Variants in UBASH3B observed in about 807,000 individuals in gnomAD.
The protein encoded by UBASH3B is ubiquitin associated and SH3 domain containing B.
UBASH3B carries 37 observed loss-of-function variants against 83.4 expected under a neutral mutation model. The ratio of observed to expected loss-of-function variants is 0.44; its 90% CI spans 0.34 to 0.58. The LOEUF (loss-of-function observed/expected upper bound fraction) is 0.58, where lower values mean the gene tolerates loss of function less well. UBASH3B is among the 20% of genes least tolerant of loss of function. The probability of loss-of-function intolerance (pLI) is 0.01; values close to 1 mark genes in which losing one functional copy is unlikely to be tolerated. For synonymous variants in UBASH3B, 304 were observed against 318.3 expected (o/e 0.96, Z 0.48); for missense variants, 657 against 827.2 (o/e 0.79, Z 2.52).
intron 1 of UBASH3B, chr11:122,774,407 C>T: frequency 1.4e-6 from 1 of 726,720 alleles, no homozygotes; most frequent in Non-Finnish European, 1.7e-6. Context: ...ACAACAGAGG[C>T]TGGCCTTTGC....
chr11:122,659,267 A>T (rs1488819143), intron 1 of UBASH3B, among the ~76,000 whole-genome samples: 1 of 152,174 alleles, frequency 6.6e-6, no homozygotes, highest in Admixed American at 6.5e-5. Flanking sequence ...GGGGATCATT[A>T]TTTAGCCTAT....
At chr11:122,721,129 C>T (rs1307753178) in intron 1 of UBASH3B, among the ~76,000 whole-genome samples, 1 of 151,662 alleles carries the variant, frequency 6.6e-6, no homozygotes, top group African/African-American at 2.4e-5. Context: ...CCTGTAGTCC[C>T]AGCTACTCTG....
chr11:122,683,778 A>C (rs4936717), intron 1 of UBASH3B, among the ~76,000 whole-genome samples: 9 of 21,822 alleles, frequency 4.1e-4, no homozygotes, highest in East Asian at 3.1e-3. Flanking sequence ...TGTGTGTGTG[A>C]GCCAGGTTTC....
intron 1 of UBASH3B, among the ~76,000 whole-genome samples, chr11:122,723,089 C>T (rs1860669680): frequency 6.6e-6 from 1 of 152,134 alleles, no homozygotes; most frequent in Non-Finnish European, 1.5e-5. Flanking sequence ...GCTTCAGAAG[C>T]TCCCAGAAAG....
intron 11 of UBASH3B, 52 bp downstream of exon 11, chr11:122,801,384 C>A: frequency 6.3e-7 from 1 of 1,597,120 alleles, no homozygotes. Flanking sequence ...GTGCTTTCTG[C>A]ACTAGCACTA....
chr11:122,802,408 G>A (rs1446448005), intron 11 of UBASH3B, among the ~76,000 whole-genome samples: 1 of 151,262 alleles, frequency 6.6e-6, no homozygotes, highest in Non-Finnish European at 1.5e-5. Flanking sequence ...TCTTTGAGAA[G>A]GAACAGATAG....
intron 5 of UBASH3B, 122 bp from the exon 6 acceptor site, chr11:122,788,978 G>A: frequency 3.5e-6 from 3 of 859,680 alleles, no homozygotes; most frequent in South Asian, 3.2e-5. Context: ...GACCCCAAGG[G>A]CTCCTGGGCA....
In UBASH3B at chr11:122,712,432, G is replaced by A. The variant is rs965363732; in HGVS notation, c.161+56222G>A. 3.3e-5 allele frequency among the ~76,000 whole-genome samples: 5 copies of A among 152,026 alleles called. No homozygotes were observed. In the South Asian group the frequency reaches 6.2e-4, roughly 19 times the overall value. The stretch of plus-strand genomic sequence containing the variant: ...CTTGGATGCTTCCTTGGTGGGGGAC[G>A]CACGTCACACGAGAGGGGCTTTCTC... On this transcript the variant is annotated intron_variant, in intron 1 of 13. Coordinates refer to ENST00000284273, the MANE Select transcript of UBASH3B (RefSeq NM_032873.5).
intron 1 of UBASH3B, among the ~76,000 whole-genome samples, chr11:122,723,440 T>C (rs1199305278): frequency 6.6e-6 from 1 of 152,238 alleles, no homozygotes; most frequent in Non-Finnish European, 1.5e-5. Context: ...AGACGCATTC[T>C]CCCATCTATC....
chr11:122,660,290 G>T (rs141012327), intron 1 of UBASH3B, among the ~76,000 whole-genome samples: 1 of 152,164 alleles, frequency 6.6e-6, no homozygotes, highest in Non-Finnish European at 1.5e-5. Flanking sequence ...GTGTGCGCTC[G>T]TGTGCAAGTC....
At chr11:122,680,884 T>G (rs1403010223) in intron 1 of UBASH3B, among the ~76,000 whole-genome samples, 5 of 152,180 alleles carry the variant, frequency 3.3e-5, no homozygotes, top group African/African-American at 1.2e-4. Flanking sequence ...TTTTCTGATA[T>G]GTTGCAAATG....
intron 1 of UBASH3B, among the ~76,000 whole-genome samples, chr11:122,665,764 A>G (rs1050882249): frequency 2.0e-5 from 3 of 152,254 alleles, no homozygotes; most frequent in African/African-American, 7.2e-5. Context: ...AAATTGGTAC[A>G]AAACAAAAAC....
chr11:122,656,295 C>T (rs940815675), intron 1 of UBASH3B, 85 bp downstream of exon 1: 32 of 1,248,464 alleles, frequency 2.6e-5, no homozygotes, highest in Non-Finnish European at 3.3e-5. Flanking sequence ...CCTCCCAGCG[C>T]CTGCGGGACA....
chr11:122,723,259 A>G (rs920227804), intron 1 of UBASH3B, among the ~76,000 whole-genome samples: 4 of 152,222 alleles, frequency 2.6e-5, no homozygotes, highest in Non-Finnish European at 5.9e-5. Flanking sequence ...TTTGTATATA[A>G]TATTTCATTT....
intron 1 of UBASH3B, among the ~76,000 whole-genome samples, chr11:122,685,255 C>A (rs1338151424): frequency 6.6e-6 from 1 of 152,166 alleles, no homozygotes; most frequent in Non-Finnish European, 1.5e-5. Context: ...ATATCCCCAC[C>A]CCCGGGATGT....
At chr11:122,741,393 G>T (rs1441411945) in intron 1 of UBASH3B, among the ~76,000 whole-genome samples, 1 of 152,200 alleles carries the variant, frequency 6.6e-6, no homozygotes, top group African/African-American at 2.4e-5. Context: ...AGCACTCTTT[G>T]CATTGGCTGT....
At chr11:122,721,484 C>G (rs991644480) in intron 1 of UBASH3B, among the ~76,000 whole-genome samples, 1 of 152,146 alleles carries the variant, frequency 6.6e-6, no homozygotes, top group Admixed American at 6.5e-5. Context: ...AGCTCTAGCT[C>G]AAAGCTTGCT....
chr11:122,661,005 A>G (rs1863430722), intron 1 of UBASH3B, among the ~76,000 whole-genome samples: 1 of 152,106 alleles, frequency 6.6e-6, no homozygotes, highest in Non-Finnish European at 1.5e-5. Context: ...CTTTCCAAAG[A>G]CAAAATGAGA....
chr11:122,730,568 G>C (rs920177666), intron 1 of UBASH3B, among the ~76,000 whole-genome samples: 1 of 151,458 alleles, frequency 6.6e-6, no homozygotes, highest in Non-Finnish European at 1.5e-5. Context: ...TTCTCAGCCC[G>C]CTGTGATGCA....
Sources: gnomAD v4.1 joint callset for allele counts (sites outside exome capture counted in the v4.1 genomes callset) on GRCh38, gnomAD v4.1.1 for gene constraint, MANE v1.5 for transcripts, NCBI Gene and HGNC (gene_info 2026-07-23, HGNC 2026-07-21) for gene names.